ABCA13: variants seen among roughly 807,000 people sequenced by gnomAD.
The protein encoded by ABCA13 is ATP-binding cassette sub-family A member 13.
ABCA13 carries 476 observed loss-of-function variants against 478.7 expected under a neutral mutation model. The ratio of observed to expected loss-of-function variants is 0.99; its 90% CI spans 0.92 to 1.07. ABCA13 has a LOEUF of 1.07. Ranked by LOEUF, ABCA13 falls within the 50% of genes least tolerant of loss-of-function variation. ABCA13 has a pLI of 0.00. For missense variants in ABCA13, 6,060 were observed against 5,910.6 expected, an observed-to-expected ratio of 1.03 and a Z score of -0.83; for synonymous variants, 2,252 against 2,158.9, an observed-to-expected ratio of 1.04 and a Z score of -1.20.
chr7:48,477,901 A>G (rs1233271635), intron 45 of ABCA13, among the ~76,000 whole-genome samples: 1 of 152,006 alleles, frequency 6.6e-6, no homozygotes, highest in Non-Finnish European at 1.5e-5. Flanking sequence ...AATAATAAAA[A>G]AAAGAATGAG....
chr7:48,245,496 T>A lies in ABCA13; in HGVS notation c.1391-16T>A, dbSNP rs1562868692. On this transcript the variant is annotated splice_polypyrimidine_tract_variant and intron_variant, in intron 11 of 61. Transcript: ENST00000435803. Reference sequence around the variant, plus strand: ...CTTACCTTAGGTGAATAATAATCAATTTGTCTACTTTGCAGAAGTCCTCAT... The same window carrying A: ...CTTACCTTAGGTGAATAATAATCAAATTGTCTACTTTGCAGAAGTCCTCAT... The A allele has an allele frequency of 1.5e-5, 24 of 1,595,220 alleles. No homozygotes were observed. The highest frequency in any genetic ancestry group is 2.0e-5 in the Non-Finnish European group (23 of 1,170,234).
At chr7:48,266,094 T>C (rs1341261576) in intron 15 of ABCA13, among the ~76,000 whole-genome samples, 2 of 151,878 alleles carry the variant, frequency 1.3e-5, no homozygotes, top group Non-Finnish European at 1.5e-5. Context: ...TTTTAAATGT[T>C]AAATTAACCT....
chr7:48,230,505 A>G (rs1463508884), intron 7 of ABCA13, among the ~76,000 whole-genome samples: 1 of 152,002 alleles, frequency 6.6e-6, no homozygotes, highest in Non-Finnish European at 1.5e-5. Flanking sequence ...TCTTTTCTCT[A>G]TTTTTCTATC....
Position 48,297,233 on chromosome 7 carries a change from T to C in ABCA13, c.9121T>C (p.Leu3041=). The change falls in exon 22 of 62, where the codon TTG becomes CTG. Residue 3041 remains leucine (L), a splice_region_variant and synonymous_variant. Transcript: ENST00000435803. ...LETVQQHLYM[L]AKSLEETWSS... is the part of the protein sequence containing the mutation. ...AGCTTTAATTTTCTGCCATTTTAGGTTGGCCAAAAGCCTCGAGGAAACTTG... is the reference window on the plus strand; with the variant it reads ...AGCTTTAATTTTCTGCCATTTTAGGCTGGCCAAAAGCCTCGAGGAAACTTG... The C allele has an allele frequency of 6.2e-7, 1 of 1,601,832 alleles. No homozygotes were observed.
intron 15 of ABCA13, among the ~76,000 whole-genome samples, chr7:48,262,387 T>G (rs1485839400): frequency 2.0e-5 from 3 of 151,898 alleles, no homozygotes; most frequent in African/African-American, 2.4e-5. Flanking sequence ...CAACCTCTCA[T>G]GCTTATAGTC....
intron 50 of ABCA13, 21 bp from the exon 51 acceptor site, chr7:48,511,063 T>G: frequency 3.2e-6 from 5 of 1,582,716 alleles, no homozygotes; most frequent in South Asian, 1.1e-5. Context: ...AGCTCTCCCT[T>G]ATTTCTTTTT....
At chr7:48,459,520 G>A (rs951441523) in intron 43 of ABCA13, among the ~76,000 whole-genome samples, 10 of 152,168 alleles carry the variant, frequency 6.6e-5, no homozygotes, top group East Asian at 1.9e-4. Flanking sequence ...TTCAAAACCC[G>A]GCTCAGATGC....
At chr7:48,234,428 G>A (rs1554362757) in intron 8 of ABCA13, among the ~76,000 whole-genome samples, 1 of 152,200 alleles carries the variant, frequency 6.6e-6, no homozygotes, top group Non-Finnish European at 1.5e-5. Context: ...AGTGGGAGAG[G>A]CCAGGTCAAG....
intron 31 of ABCA13, among the ~76,000 whole-genome samples, chr7:48,363,996 CTTT>C (rs1811287505): frequency 6.6e-6 from 1 of 152,096 alleles, no homozygotes; most frequent in African/African-American, 2.4e-5. Flanking sequence ...CTCTCAATCT[CTTT>C]TTATTTCTTG....
chr7:48,238,693 C>G (rs1045157122), intron 8 of ABCA13, among the ~76,000 whole-genome samples: 4 of 152,214 alleles, frequency 2.6e-5, no homozygotes, highest in African/African-American at 9.6e-5. Flanking sequence ...TGGTCTCTAT[C>G]TCCTGACCTC....
At chr7:48,530,990 T>A (rs879802335) in intron 55 of ABCA13, among the ~76,000 whole-genome samples, 1 of 152,204 alleles carries the variant, frequency 6.6e-6, no homozygotes, top group Non-Finnish European at 1.5e-5. Flanking sequence ...CTTTTTAGCT[T>A]AATTAAGTCC....
Position 48,410,673 on chromosome 7 carries a change from G to C in ABCA13, c.12224G>C (p.Arg4075Thr), listed in dbSNP as rs1448332997. 1.9e-6 allele frequency: 3 copies of C among 1,612,392 alleles called. No homozygotes were observed. Among genetic ancestry groups the C allele is most frequent in the African/African-American group, 2.7e-5 (2 of 74,940 alleles). Residue 4075 changes from arginine to threonine, a missense_variant, in exon 40 of 62, where the codon AGG becomes ACG. This residue lies in a region of ABCA13 where 1,627 missense variants were observed against 1,571.0 expected (regional missense o/e 1.04). Transcript: ENST00000435803. ...YGQGLRLTLTRQPSVLEAHDL... is the reference protein window; with the variant it reads ...YGQGLRLTLTTQPSVLEAHDL... Reference sequence around the variant, plus strand: ...CAGGGGCTCCGCCTGACACTCACGAGGCAGGTAAGGAGTGCAACCATTCTA... The same window carrying C: ...CAGGGGCTCCGCCTGACACTCACGACGCAGGTAAGGAGTGCAACCATTCTA...
chr7:48,481,081 C>T lies in ABCA13; in HGVS notation c.13021C>T (p.Leu4341=), dbSNP rs752764113. The T allele has an allele frequency of 3.7e-6, 6 of 1,603,364 alleles. No individual in the cohort carries two copies. In the African/African-American group the frequency reaches 5.3e-5, roughly 14 times the overall value. Residue 4341 remains leucine, a synonymous_variant, in exon 46 of 62, where the codon CTG becomes TTG. Coordinates refer to ENST00000435803, the MANE Select transcript of ABCA13 (RefSeq NM_152701.5). ...SASAPYLTNH[L]GHTLLNLSGF... is the part of the protein sequence containing the mutation. ...TAGTGCTCCCTACCTGACCAACCAC[C>T]TGGGCCACACACTGTTGAATCTCTC...
At chr7:48,172,548 C>G (rs995060528) in intron 1 of ABCA13, among the ~76,000 whole-genome samples, 1 of 152,040 alleles carries the variant, frequency 6.6e-6, no homozygotes, top group African/African-American at 2.4e-5. Flanking sequence ...GTAATCCCAG[C>G]ACTTTGGGAG....
chr7:48,519,939 T>C, intron 52 of ABCA13, 102 bp from the exon 53 acceptor site: 1 of 1,234,684 alleles, frequency 8.1e-7, no homozygotes, highest in Non-Finnish European at 1.1e-6. Context: ...AGGGAAGACC[T>C]GGAACACAGA....
rs945535651 is a variant in ABCA13, at chr7:48,645,566, A to G, written c.*54A>G. Reference sequence around the variant, plus strand: ...AACCTTGTCTTCCATTACAATTAACAGTCAAGGATAAAACAAGCACGCGCA... The same window carrying G: ...AACCTTGTCTTCCATTACAATTAACGGTCAAGGATAAAACAAGCACGCGCA... On this transcript the variant is annotated 3_prime_UTR_variant, in exon 62 of 62. Coordinates refer to ENST00000435803, the MANE Select transcript of ABCA13 (RefSeq NM_152701.5). 2 of 1,442,608 alleles carry G rather than the reference A, an allele frequency of 1.4e-6. No homozygotes were observed. Among genetic ancestry groups the G allele is most frequent in the South Asian group, 1.3e-5 (1 of 79,704 alleles). The allele number at this position is 1,442,608 out of a possible 1,614,324, so 89.4% of individuals were successfully genotyped here.
At chr7:48,241,635 T>C (rs938803040) in intron 10 of ABCA13, among the ~76,000 whole-genome samples, 7 of 152,202 alleles carry the variant, frequency 4.6e-5, no homozygotes, top group African/African-American at 1.7e-4. Flanking sequence ...TTGAATCTTA[T>C]TATCCTTCTG....
chr7:48,546,768 A>C (rs1238451665), intron 55 of ABCA13, among the ~76,000 whole-genome samples: 2 of 151,748 alleles, frequency 1.3e-5, no homozygotes, highest in African/African-American at 4.8e-5. Context: ...AATACTTAAA[A>C]ATTTATGTAT....
At position 48,330,529 on chromosome 7, in the gene ABCA13, A is replaced by G. The variant is rs543536342; in HGVS notation, c.10000-4893A>G. 3.4e-5 allele frequency among the ~76,000 whole-genome samples: 5 copies of G among 148,940 alleles called. No individual in the cohort carries two copies. The East Asian group carries it at 1.0e-3, about 30-fold the overall frequency. Reference sequence around the variant, plus strand: ...CATCCATCCATCCATCCATATATCCATCTATCCATTTATCCATTTAAATCC... The same window carrying G: ...CATCCATCCATCCATCCATATATCCGTCTATCCATTTATCCATTTAAATCC... On this transcript the variant is annotated intron_variant, in intron 27 of 61. Transcript: ENST00000435803.
Sources: allele counts gnomAD v4.1 joint callset (sites outside exome capture counted in the v4.1 genomes callset), GRCh38; gene constraint gnomAD v4.1.1; regional missense constraint gnomAD v4.1.1; transcripts MANE v1.5; gene names NCBI Gene and HGNC (gene_info 2026-07-23, HGNC 2026-07-21).